The following CCDC136 variants were observed in gnomAD, a reference collection of about 807,000 sequenced individuals.
CCDC136 encodes the protein coiled-coil domain containing 136.
A neutral mutation model predicts 141.2 loss-of-function variants in CCDC136; 100 were observed. The ratio of observed to expected loss-of-function variants is 0.71; its 90% confidence interval spans 0.60 to 0.84. The LOEUF is 0.84. Among genes scored for constraint, CCDC136 ranks in the 40% least tolerant of loss-of-function variants. CCDC136 has a pLI of 0.00. For missense variants in CCDC136, 1,206 were observed against 1,379.4 expected (o/e 0.87, Z 1.99); for synonymous variants, 474 against 531.9 (o/e 0.89, Z 1.50).
chr7:128,821,714 C>A lies in CCDC136; in HGVS notation c.*6-85C>A. 9.0e-7 allele frequency: 1 copy of A among 1,112,136 alleles called. No individual in the cohort carries two copies. Among genetic ancestry groups the A allele is most frequent in the South Asian group, 1.3e-5 (1 of 76,202 alleles). The allele number at this position is 1,112,136 out of a possible 1,614,324, so 68.9% of individuals were successfully genotyped here. On this transcript the variant is annotated intron_variant, in intron 17 of 17. Transcript: ENST00000297788. This position sits in a 1 kb window ranked among gnomAD's most constrained non-coding sequence, Gnocchi z 5.1. ...CTGATCCACAATGTTCCTGAGGTGTCTTGGGCACCCATAGGCAGGTGACTT... is the reference window on the plus strand; with the variant it reads ...CTGATCCACAATGTTCCTGAGGTGTATTGGGCACCCATAGGCAGGTGACTT...
At chr7:128,796,548 G>A (rs1802972023) in intron 3 of CCDC136, among the ~76,000 whole-genome samples, 1 of 151,764 alleles carries the variant, frequency 6.6e-6, no homozygotes, top group Non-Finnish European at 1.5e-5. Context: ...AGCCAGGAAT[G>A]GGATGATACG....
chr7:128,802,072 C>T (rs1212933460), intron 4 of CCDC136, among the ~76,000 whole-genome samples: 1 of 152,176 alleles, frequency 6.6e-6, no homozygotes, highest in Non-Finnish European at 1.5e-5. Flanking sequence ...CTTCCAGGTG[C>T]AGGGATGCTA....
chr7:128,804,891 G>GT, intron 5 of CCDC136, 130 bp downstream of exon 5: 1 of 616,656 alleles, frequency 1.6e-6, no homozygotes, highest in Non-Finnish European at 2.9e-6. Flanking sequence ...TCCTTTCCAT[G>GT]GTTTCCAAAG....
intron 3 of CCDC136, among the ~76,000 whole-genome samples, chr7:128,798,199 G>A (rs1803371769): frequency 7.2e-6 from 1 of 139,362 alleles, no homozygotes; most frequent in Non-Finnish European, 1.6e-5. Flanking sequence ...TTAAAGGCGT[G>A]AGCCACCGCG....
chr7:128,795,975 G>A (rs1802883821), intron 3 of CCDC136, among the ~76,000 whole-genome samples: 1 of 152,058 alleles, frequency 6.6e-6, no homozygotes, highest in South Asian at 2.1e-4. Context: ...TGGGATGGGA[G>A]TTTATTTTAT....
At chr7:128,802,647 C>A (rs890581743) in intron 4 of CCDC136, among the ~76,000 whole-genome samples, 1 of 152,124 alleles carries the variant, frequency 6.6e-6, no homozygotes, top group South Asian at 2.1e-4. Flanking sequence ...GTAGAGAAAT[C>A]CAAGTAAACT....
upstream of CCDC136, chr7:128,791,783 C>G (rs921445337): frequency 2.5e-6 from 1 of 400,182 alleles, no homozygotes; most frequent in African/African-American, 2.1e-5. The surrounding 1 kb of genome is among the most constrained non-coding windows in gnomAD (Gnocchi z 7.1). Context: ...CAGCGCGTCT[C>G]TCCACTTCAG....
chr7:128,799,641 A>ATT (rs11403756), intron 3 of CCDC136, among the ~76,000 whole-genome samples: 6 of 151,188 alleles, frequency 4.0e-5, no homozygotes, highest in East Asian at 3.9e-4. Flanking sequence ...GACTTCTCTT[A>ATT]TTTTTTTTTG....
chr7:128,805,892 T>C lies in CCDC136; in HGVS notation c.1080T>C (p.Ser360=), dbSNP rs774657085. The change falls in exon 7 of 18, where the codon AGT becomes AGC. Residue 360 remains serine (S), a synonymous_variant. Transcript: ENST00000297788. This position sits in a 1 kb window ranked among gnomAD's most constrained non-coding sequence, Gnocchi z 4.6. ...TGCTTCGGTTTCAGACCTCCCACAG[T>C]GTCACCCAGGTAAACACTGCCCGGG... ...NEVLRFQTSH[S]VTQNEELKSR... is the part of the protein sequence containing the mutation. 6.2e-7 allele frequency: 1 copy of C among 1,613,686 alleles called. No homozygotes were observed. The highest frequency in any genetic ancestry group is 1.1e-5 in the South Asian group (1 of 91,064).
In CCDC136 at chr7:128,796,740, T is replaced by TATATATA. The variant is rs61079649; in HGVS notation, c.346+1972_346+1973insATATATA. ...GATTCAGAATATATATATATATATA[T>TATATATA]TCTTTTTTTTTTTTTTTTTGAGACG... On this transcript the variant is annotated intron_variant, in intron 3 of 17. Transcript: ENST00000297788. Among the ~76,000 whole-genome samples the TATATATA allele has an allele frequency of 1.1e-3, 140 of 124,642 alleles. 2 individuals carry two copies. The highest frequency in any genetic ancestry group is 2.2e-3 in the African/African-American group (59 of 26,958). 81.8% of individuals were successfully genotyped at this position (124,642 alleles called of 152,430 possible).
Position 128,804,705 on chromosome 7 carries a change from C to T in CCDC136, c.726C>T (p.Ala242=), listed in dbSNP as rs1008042300. Residue 242 remains alanine (A), a synonymous_variant, in exon 5 of 18, where the codon GCC becomes GCT. Transcript: ENST00000297788. ...ATTTCCTGAATGAGGAATACCGGGC[C>T]CTGCAGGAGAGCAACAGCAGCCTCA... ...RYHFLNEEYR[A]LQESNSSLTG... 1.9e-6 allele frequency: 3 copies of T among 1,599,648 alleles called. No homozygotes were observed. Among genetic ancestry groups the T allele is most frequent in the Non-Finnish European group, 2.6e-6 (3 of 1,173,426 alleles).
At chr7:128,815,585 C>T (rs369739708) in intron 15 of CCDC136, 29 bp from the exon 16 acceptor site, 52 of 1,532,732 alleles carry the variant, frequency 3.4e-5, no homozygotes, top group Admixed American at 8.3e-5. Context: ...GTAACGCAGC[C>T]GCCATCCTGC....
chr7:128,796,735 A>ATTTTTTTT (rs1562903685), intron 3 of CCDC136, among the ~76,000 whole-genome samples: 2 of 120,056 alleles, frequency 1.7e-5, no homozygotes, highest in Non-Finnish European at 3.2e-5. Flanking sequence ...ATATATATAT[A>ATTTTTTTT]TATATTCTTT....
At chr7:128,820,243 C>A (rs1015646578) in intron 17 of CCDC136, among the ~76,000 whole-genome samples, 1 of 152,172 alleles carries the variant, frequency 6.6e-6, no homozygotes, top group Non-Finnish European at 1.5e-5. Context: ...ACTTACCTGC[C>A]ATTCAACAAA....
At chr7:128,820,199 G>A (rs1162096138) in intron 17 of CCDC136, among the ~76,000 whole-genome samples, 3 of 152,060 alleles carry the variant, frequency 2.0e-5, no homozygotes, top group Non-Finnish European at 2.9e-5. Flanking sequence ...CTAGAGTGTC[G>A]TCTCTTGGGG....
chr7:128,808,795 C>T (rs1431114502), intron 10 of CCDC136: 1 of 985,252 alleles, frequency 1.0e-6, no homozygotes, highest in Admixed American at 6.2e-5. Context: ...CACCTCTTCC[C>T]CTAATGGGAA....
At chr7:128,791,857 T>A, upstream of CCDC136, 1 of 388,360 alleles carries the variant, frequency 2.6e-6, no homozygotes, top group Non-Finnish European at 4.3e-6. The surrounding 1 kb of genome is among the most constrained non-coding windows in gnomAD (Gnocchi z 7.1). Flanking sequence ...CGGAGACTCC[T>A]GAGCGCGGGG....
intron 7 of CCDC136, 98 bp from the exon 8 acceptor site, chr7:128,806,139 C>T: frequency 1.7e-6 from 2 of 1,179,668 alleles, no homozygotes; most frequent in Non-Finnish European, 2.4e-6. Flanking sequence ...GTGGGAGCTC[C>T]TCAAGATGTC....
intron 10 of CCDC136, chr7:128,808,911 A>G (rs1585098115): frequency 5.1e-6 from 5 of 985,238 alleles, no homozygotes; most frequent in Non-Finnish European, 6.0e-6. Flanking sequence ...GGTTTTTGGA[A>G]ATGGGATGAT....
Sources: gnomAD v4.1 joint callset for allele counts (sites outside exome capture counted in the v4.1 genomes callset) on GRCh38, gnomAD v4.1.1 for gene constraint, Gnocchi (gnomAD v3.1) non-coding constraint, MANE v1.5 for transcripts, NCBI Gene and HGNC (gene_info 2026-07-23, HGNC 2026-07-21) for gene names.